The following GALNT13 variants were observed in gnomAD, a reference collection of about 807,000 sequenced individuals.
The protein encoded by GALNT13 is UDP-GalNAc:polypeptide N-acetylgalactosaminyltransferase 13.
GALNT13 carries 28 observed loss-of-function variants against 64.2 expected under a neutral mutation model. That is an observed-to-expected ratio of 0.44 (90% CI 0.32 to 0.60). GALNT13 has a LOEUF of 0.60. Among genes scored for constraint, GALNT13 ranks in the 20% least tolerant of loss-of-function variants. GALNT13 has a pLI of 0.05. For missense variants in GALNT13, 577 were observed against 669.8 expected, an observed-to-expected ratio of 0.86 and a Z score of 1.53; for synonymous variants, 214 against 224.6, an observed-to-expected ratio of 0.95 and a Z score of 0.42.
the GALNT13 span, among the ~76,000 whole-genome samples, chr2:153,299,950 G>C: frequency 6.6e-6 from 1 of 152,074 alleles, no homozygotes; most frequent in Non-Finnish European, 1.5e-5. Context: ...ATCATCCCGT[G>C]GTGCCGAGTA....
chr2:154,415,901 C>T (rs1217626943), intron 11 of GALNT13, among the ~76,000 whole-genome samples: 1 of 152,086 alleles, frequency 6.6e-6, no homozygotes, highest in Non-Finnish European at 1.5e-5. Context: ...GGAATTAAAA[C>T]TTACCAGGGA....
the GALNT13 span, among the ~76,000 whole-genome samples, chr2:153,658,731 A>T: frequency 6.6e-6 from 1 of 152,118 alleles, no homozygotes; most frequent in Non-Finnish European, 1.5e-5. Context: ...TAAAATGGAA[A>T]AAAAATACTG....
At chr2:154,270,443 C>A (rs1212807975) in intron 8 of GALNT13, among the ~76,000 whole-genome samples, 1 of 151,632 alleles carries the variant, frequency 6.6e-6, no homozygotes, top group Non-Finnish European at 1.5e-5. Flanking sequence ...CGGTACCACC[C>A]ATAATTCGTT....
At chr2:153,554,617 A>G in the GALNT13 span, among the ~76,000 whole-genome samples, 1 of 151,990 alleles carries the variant, frequency 6.6e-6, no homozygotes, top group East Asian at 1.9e-4. Context: ...TGTCTCAGAA[A>G]AGGTCTGTTA....
chr2:153,413,184 C>T, the GALNT13 span, among the ~76,000 whole-genome samples: 2 of 152,108 alleles, frequency 1.3e-5, no homozygotes, highest in African/African-American at 2.4e-5. Context: ...GGGAAATATA[C>T]ATCCTGACCC....
At chr2:154,306,622 G>GGGT (rs1553512838) in intron 9 of GALNT13, among the ~76,000 whole-genome samples, 1 of 150,006 alleles carries the variant, frequency 6.7e-6, no homozygotes, top group African/African-American at 2.4e-5. Flanking sequence ...ATTTGGTGGG[G>GGGT]GGGGGGTCAA....
chr2:153,814,685 C>G, the GALNT13 span, among the ~76,000 whole-genome samples: 1 of 152,230 alleles, frequency 6.6e-6, no homozygotes, highest in African/African-American at 2.4e-5. Flanking sequence ...AGAAAGGCCT[C>G]CTCTCCCTTA....
the GALNT13 span, chr2:153,478,675 G>A: frequency 2.2e-6 from 2 of 895,030 alleles, no homozygotes; most frequent in South Asian, 1.8e-5. Context: ...TAGCGCGTGC[G>A]AGGGCTCCTC....
intron 1 of GALNT13, among the ~76,000 whole-genome samples, chr2:153,880,989 G>T (rs944184821): frequency 6.6e-6 from 1 of 152,010 alleles, no homozygotes; most frequent in African/African-American, 2.4e-5. Flanking sequence ...AACAAAAAAG[G>T]AAATTAAAAA....
chr2:153,194,187 A>G, the GALNT13 span, among the ~76,000 whole-genome samples: 3 of 152,098 alleles, frequency 2.0e-5, no homozygotes, highest in Non-Finnish European at 4.4e-5. Context: ...TCAGTTTTTT[A>G]TGTCATAAAA....
chr2:154,287,548 C>T (rs1238297961), intron 8 of GALNT13: 1 of 242,012 alleles, frequency 4.1e-6, no homozygotes, highest in Non-Finnish European at 8.3e-6. Flanking sequence ...TCTAGTTCAT[C>T]AATCCTTCTT....
At chr2:154,386,309 G>T (rs1175873675) in intron 9 of GALNT13, among the ~76,000 whole-genome samples, 3 of 152,048 alleles carry the variant, frequency 2.0e-5, no homozygotes, top group Non-Finnish European at 4.4e-5. Context: ...AATAAGGGAG[G>T]AGTAAAGAAG....
chr2:153,415,038 A>G, the GALNT13 span, among the ~76,000 whole-genome samples: 11,947 of 152,232 alleles, frequency 0.078, 529 homozygotes, highest in Middle Eastern at 0.15. Flanking sequence ...AATCACTGGC[A>G]TGGTATTACT....
chr2:153,085,433 G>T, the GALNT13 span, among the ~76,000 whole-genome samples: 1 of 152,138 alleles, frequency 6.6e-6, no homozygotes, highest in Non-Finnish European at 1.5e-5. Context: ...AAAAGGTTTT[G>T]TGGGCCAGCC....
At chr2:153,970,185 C>T (rs1481589175) in intron 3 of GALNT13, among the ~76,000 whole-genome samples, 4 of 152,190 alleles carry the variant, frequency 2.6e-5, no homozygotes, top group Admixed American at 2.6e-4. Flanking sequence ...TGTAAAGATA[C>T]TCCAAGCAGC....
the GALNT13 span, among the ~76,000 whole-genome samples, chr2:153,467,823 G>A: frequency 1.3e-5 from 2 of 151,950 alleles, no homozygotes; most frequent in East Asian, 1.9e-4. Context: ...AATACAATCC[G>A]ATTAGAAGAA....
At chr2:153,891,556 C>T (rs1352505260) in intron 1 of GALNT13, among the ~76,000 whole-genome samples, 1 of 152,006 alleles carries the variant, frequency 6.6e-6, no homozygotes, top group Non-Finnish European at 1.5e-5. Context: ...ACATAAGTCA[C>T]AGGGTTTAAA....
chr2:154,423,452 G>A (rs1700341400), intron 11 of GALNT13, among the ~76,000 whole-genome samples: 1 of 152,098 alleles, frequency 6.6e-6, no homozygotes, highest in Non-Finnish European at 1.5e-5. Context: ...GGGTCAAATG[G>A]TATTTCTAGT....
the GALNT13 span, chr2:153,201,858 C>T: frequency 0.17 from 26,356 of 152,014 alleles, 2,400 homozygotes; most frequent in Non-Finnish European, 0.19. Context: ...CATGGCTCAC[C>T]CAAGGCATGA....
Sources: gnomAD v4.1 joint callset for allele counts (sites outside exome capture counted in the v4.1 genomes callset) on GRCh38, gnomAD v4.1.1 for gene constraint, MANE v1.5 for transcripts, NCBI Gene and HGNC (gene_info 2026-07-23, HGNC 2026-07-21) for gene names.